Variants in KLRG1 observed in about 807,000 individuals in gnomAD.
KLRG1 encodes killer cell lectin-like receptor subfamily G member 1.
KLRG1 carries 16 observed loss-of-function variants against 21.8 expected under a neutral mutation model. That is an observed-to-expected ratio of 0.73 (90% CI 0.50 to 1.11). The LOEUF is 1.11. Among genes scored for constraint, KLRG1 ranks in the 50% most tolerant of loss-of-function variants. The pLI, the probability that KLRG1 is intolerant of heterozygous loss-of-function variation, is 0.00. For missense variants in KLRG1, 173 were observed against 218.3 expected, an observed-to-expected ratio of 0.79 and a Z score of 1.31; for synonymous variants, 69 against 75.9, an observed-to-expected ratio of 0.91 and a Z score of 0.47.
At position 8,995,126 on chromosome 12, in the gene KLRG1, C is replaced by A. The variant is rs752906484; in HGVS notation, c.195C>A (p.Asn65Lys). Reference sequence around the variant, plus strand: ...GGTCCTCTTCTCTCCTAGGCTCCAACTACTCCACTTGTGCCAGCTGTCCTA... The same window carrying A: ...GGTCCTCTTCTCTCCTAGGCTCCAAATACTCCACTTGTGCCAGCTGTCCTA... ...LYQWILCQGSNYSTCASCPSC... is the reference protein window; with the variant it reads ...LYQWILCQGSKYSTCASCPSC... The change falls in exon 3 of 5, where the codon AAC becomes AAA. Residue 65 changes from asparagine to lysine, a missense_variant. Transcript: ENST00000356986. 1 of 1,603,546 alleles carries A rather than the reference C, an allele frequency of 6.2e-7. No homozygotes were observed. Among genetic ancestry groups the A allele is most frequent in the Non-Finnish European group, 8.5e-7 (1 of 1,175,964 alleles).
At chr12:9,077,248 G>A in the KLRG1 span, 18 of 1,156,494 alleles carry the variant, frequency 1.6e-5, no homozygotes, top group Admixed American at 2.2e-5. Flanking sequence ...AAAGAAAGCT[G>A]ATGCTTTGCT....
chr12:9,093,025 T>TA, the KLRG1 span, among the ~76,000 whole-genome samples: 1 of 152,216 alleles, frequency 6.6e-6, no homozygotes, highest in Non-Finnish European at 1.5e-5. Context: ...TGCGTGATCT[T>TA]ACTTGTATGT....
rs909395836 is a variant in KLRG1, at chr12:9,010,675, C to T, written c.*1138C>T. On this transcript the variant is annotated 3_prime_UTR_variant, in exon 5 of 5. Transcript: ENST00000356986. ...AAAACATGGACTGTATCTTATCTAC[C>T]ACTATATCCCAAATACCTAAGATAG... 1.3e-5 allele frequency: 2 copies of T among 152,070 alleles called. No homozygotes were observed. The highest frequency in any genetic ancestry group is 2.9e-5 in the Non-Finnish European group (2 of 68,038). 9.4% of individuals were successfully genotyped at this position (152,070 alleles called of 1,614,324 possible).
At chr12:9,178,644 A>C in the KLRG1 span, among the ~76,000 whole-genome samples, 19 of 152,340 alleles carry the variant, frequency 1.2e-4, no homozygotes, top group Admixed American at 2.0e-4. Flanking sequence ...TCACATCTCA[A>C]ACTACAAAAA....
the KLRG1 span, among the ~76,000 whole-genome samples, chr12:9,207,054 T>A: frequency 6.6e-6 from 1 of 152,170 alleles, no homozygotes; most frequent in Non-Finnish European, 1.5e-5. Context: ...GCCAGGAAAT[T>A]GTGCAAGGAA....
chr12:9,157,787 C>A, the KLRG1 span: 178 of 1,613,950 alleles, frequency 1.1e-4, 1 homozygote, highest in Admixed American at 2.9e-3. Context: ...AGAGGAATTT[C>A]CAGAAGGGCA....
In KLRG1 at chr12:8,993,287, T is replaced by A. The variant is rs761369008; in HGVS notation, c.187+977T>A. Among the ~76,000 whole-genome samples, 58 of 152,212 alleles carry A rather than the reference T, an allele frequency of 3.8e-4. 1 individual carries two copies. Among genetic ancestry groups the A allele is most frequent in the African/African-American group, 1.3e-3 (56 of 41,530 alleles). ...GAAGTGATTTATTAGGGTTCTTTTT[T>A]AAATTTTTTTAAAAATTTTGAGACA... is the stretch of plus-strand genomic sequence containing the variant. On this transcript the variant is annotated intron_variant, in intron 2 of 4. Transcript: ENST00000356986.
At chr12:9,152,240 G>A in the KLRG1 span, 22 of 1,609,738 alleles carry the variant, frequency 1.4e-5, no homozygotes, top group Non-Finnish European at 1.7e-5. Context: ...GTTGGTTTCA[G>A]GGGAATAAAA....
the KLRG1 span, among the ~76,000 whole-genome samples, chr12:9,099,865 T>A: frequency 6.6e-6 from 1 of 152,254 alleles, no homozygotes; most frequent in Admixed American, 6.5e-5. Flanking sequence ...CAACACATTG[T>A]ATTCATGCTA....
chr12:9,150,678 T>C, the KLRG1 span: 1 of 1,612,060 alleles, frequency 6.2e-7, no homozygotes, highest in Non-Finnish European at 8.5e-7. Flanking sequence ...TAACAATTGC[T>C]GGCTTCAAGT....
Position 9,009,006 on chromosome 12 carries a change from T to C in KLRG1, c.389T>C (p.Phe130Ser). ...SLLQVFLSEA[F>S]CWIGLRNNSG... ...CTCCAAGTTTTCCTCAGTGAGGCCTTTTGCTGGATTGGTCTGAGGAACAAT... is the reference window on the plus strand; with the variant it reads ...CTCCAAGTTTTCCTCAGTGAGGCCTCTTGCTGGATTGGTCTGAGGAACAAT... Residue 130 changes from phenylalanine (F) to serine (S), a missense_variant, in exon 4 of 5, where the codon TTT becomes TCT. This residue lies in a region of KLRG1 where 144 missense variants were observed against 161.5 expected (regional missense o/e 0.89). Transcript: ENST00000356986. 1 of 1,613,908 alleles carries C rather than the reference T, an allele frequency of 6.2e-7. No individual in the cohort carries two copies. Among genetic ancestry groups the C allele is most frequent in the Non-Finnish European group, 8.5e-7 (1 of 1,179,908 alleles).
At chr12:8,982,477 A>C (rs1167846654) in intron 1 of KLRG1, among the ~76,000 whole-genome samples, 2 of 152,214 alleles carry the variant, frequency 1.3e-5, no homozygotes, top group Non-Finnish European at 2.9e-5. Flanking sequence ...TAAGTCACTA[A>C]GTTTGTGTTA....
the KLRG1 span, chr12:9,162,690 C>G: frequency 4.1e-6 from 6 of 1,473,454 alleles, no homozygotes; most frequent in Non-Finnish European, 5.7e-6. Flanking sequence ...TAGAAACATC[C>G]TGGTGACAAG....
chr12:9,147,780 C>A, the KLRG1 span, among the ~76,000 whole-genome samples: 1 of 152,234 alleles, frequency 6.6e-6, no homozygotes, highest in Non-Finnish European at 1.5e-5. Flanking sequence ...ACCCTTCAAG[C>A]TAAGTCTTCT....
At chr12:9,093,963 G>A in the KLRG1 span, among the ~76,000 whole-genome samples, 1 of 152,068 alleles carries the variant, frequency 6.6e-6, no homozygotes, top group Non-Finnish European at 1.5e-5. Flanking sequence ...GGGGAGGAGG[G>A]TCATAAGCAG....
chr12:9,026,370 A>T, the KLRG1 span, among the ~76,000 whole-genome samples: 1 of 152,242 alleles, frequency 6.6e-6, no homozygotes, highest in Non-Finnish European at 1.5e-5. Context: ...TGCCAAAACA[A>T]AAATGTTAAT....
chr12:9,021,579 T>TC, the KLRG1 span, among the ~76,000 whole-genome samples: 1,125 of 152,084 alleles, frequency 7.4e-3, 23 homozygotes, highest in African/African-American at 0.025. Context: ...TTTTTTTTTT[T>TC]ACTCTTTTTG....
chr12:8,995,607 A>T (rs1397115954), intron 3 of KLRG1, among the ~76,000 whole-genome samples: 1 of 152,050 alleles, frequency 6.6e-6, no homozygotes, highest in African/African-American at 2.4e-5. Context: ...TTGGAGAGGA[A>T]TGAGACCTGA....
At chr12:9,045,696 C>G in the KLRG1 span, among the ~76,000 whole-genome samples, 2 of 152,030 alleles carry the variant, frequency 1.3e-5, no homozygotes, top group Non-Finnish European at 2.9e-5. Flanking sequence ...GAAAGAAATG[C>G]TAGGAATAAA....
Sources: allele counts gnomAD v4.1 joint callset (sites outside exome capture counted in the v4.1 genomes callset), GRCh38; gene constraint gnomAD v4.1.1; regional missense constraint gnomAD v4.1.1; transcripts MANE v1.5; gene names NCBI Gene and HGNC (gene_info 2026-07-23, HGNC 2026-07-21).